CALCRL: variants seen among roughly 807,000 people sequenced by gnomAD.
CALCRL encodes the protein calcitonin receptor like receptor.
CALCRL carries 27 observed loss-of-function variants against 60.4 expected under a neutral mutation model. The observed-to-expected ratio is 0.45, with a 90% CI of 0.33 to 0.62. The LOEUF is 0.62. Among genes scored for constraint, CALCRL ranks in the 20% least tolerant of loss-of-function variants. The pLI is 0.03. For synonymous variants in CALCRL, 190 were observed against 182.6 expected (o/e 1.04, Z -0.33); for missense variants, 424 against 540.7 (o/e 0.78, Z 2.14).
chr2:187,404,086 C>T (rs1252307189), intron 1 of CALCRL, among the ~76,000 whole-genome samples: 2 of 151,772 alleles, frequency 1.3e-5, no homozygotes, highest in East Asian at 3.9e-4. Flanking sequence ...TTTAAAATAG[C>T]TTTCTTTCCT....
chr2:187,434,745 C>T (rs576266827), intron 1 of CALCRL, among the ~76,000 whole-genome samples: 2 of 152,234 alleles, frequency 1.3e-5, no homozygotes, highest in Admixed American at 6.5e-5. Context: ...GTGTTACATT[C>T]ATACAATGGA....
At chr2:187,444,053 A>G (rs557027136) in intron 1 of CALCRL, among the ~76,000 whole-genome samples, 1 of 151,782 alleles carries the variant, frequency 6.6e-6, no homozygotes, top group South Asian at 2.1e-4. Flanking sequence ...CACTGTAAGG[A>G]GATGGGCACT....
At chr2:187,411,008 C>G (rs879264397) in intron 1 of CALCRL, among the ~76,000 whole-genome samples, 3 of 152,010 alleles carry the variant, frequency 2.0e-5, no homozygotes, top group African/African-American at 7.3e-5. Context: ...ATTATTTTGT[C>G]TGGTGGGTGA....
At chr2:187,420,249 T>C (rs1689810341) in intron 1 of CALCRL, among the ~76,000 whole-genome samples, 2 of 152,176 alleles carry the variant, frequency 1.3e-5, no homozygotes, top group South Asian at 4.1e-4. Flanking sequence ...AAGTATTATT[T>C]TGATTAAAAT....
chr2:187,363,825 A>G (rs776482689), intron 8 of CALCRL, among the ~76,000 whole-genome samples: 9 of 152,196 alleles, frequency 5.9e-5, no homozygotes, highest in Non-Finnish European at 1.2e-4. Context: ...ATTGGGATTC[A>G]GTTAAGTTAG....
At chr2:187,371,807 T>C (rs143871234) in intron 8 of CALCRL, among the ~76,000 whole-genome samples, 1,947 of 152,076 alleles carry the variant, frequency 0.013, 43 homozygotes, top group African/African-American at 0.043. Flanking sequence ...AAACTGTACT[T>C]GCTCTAATTG....
intron 1 of CALCRL, among the ~76,000 whole-genome samples, chr2:187,401,854 G>T (rs928699269): frequency 6.6e-6 from 1 of 151,438 alleles, no homozygotes; most frequent in Non-Finnish European, 1.5e-5. Flanking sequence ...CTTGACCTAG[G>T]TTAGAAATTT....
intron 1 of CALCRL, among the ~76,000 whole-genome samples, chr2:187,419,084 AG>A (rs1484140553): frequency 7.3e-6 from 1 of 136,194 alleles, no homozygotes. Flanking sequence ...CATGTTGGCC[AG>A]GATGGTCTCA....
intron 1 of CALCRL, among the ~76,000 whole-genome samples, chr2:187,393,002 A>G (rs1006977512): frequency 1.3e-5 from 2 of 152,154 alleles, no homozygotes; most frequent in Admixed American, 6.6e-5. Context: ...TACTTTCCTG[A>G]AGACATGTTA....
chr2:187,372,415 C>T (rs1574240254), intron 8 of CALCRL, among the ~76,000 whole-genome samples: 1 of 151,650 alleles, frequency 6.6e-6, no homozygotes, highest in Non-Finnish European at 1.5e-5. Flanking sequence ...CCTAAAGTTA[C>T]GTCTCTTTCT....
chr2:187,398,741 C>T (rs539130729), intron 1 of CALCRL, among the ~76,000 whole-genome samples: 2 of 151,540 alleles, frequency 1.3e-5, no homozygotes, highest in African/African-American at 2.4e-5. Context: ...ATTAGGGAAG[C>T]TTTTTCTTTC....
At chr2:187,428,486 A>G (rs1472014970) in intron 1 of CALCRL, 1 of 152,232 alleles carries the variant, frequency 6.6e-6, no homozygotes. Flanking sequence ...TGTCTCTCAT[A>G]CACATGGGAG....
intron 8 of CALCRL, among the ~76,000 whole-genome samples, chr2:187,375,237 AGT>A (rs1687702042): frequency 7.0e-6 from 1 of 142,010 alleles, no homozygotes; most frequent in African/African-American, 2.6e-5. Flanking sequence ...GCGCCACTGC[AGT>A]CCGCAGTCCG....
chr2:187,388,288 G>C (rs1349653428), intron 1 of CALCRL, among the ~76,000 whole-genome samples: 1 of 151,964 alleles, frequency 6.6e-6, no homozygotes, highest in African/African-American at 2.4e-5. Context: ...AGAAAGAAGA[G>C]TTGTTTTGTT....
chr2:187,427,412 T>C (rs1690192149), intron 1 of CALCRL, among the ~76,000 whole-genome samples: 1 of 152,156 alleles, frequency 6.6e-6, no homozygotes, highest in Admixed American at 6.5e-5. Flanking sequence ...AGAACCATTA[T>C]GGTGGGCAAT....
Position 187,352,191 on chromosome 2 carries a change from G to T in CALCRL, c.1051C>A (p.Leu351Met). Residue 351 changes from leucine to methionine, a missense_variant, in exon 13 of 15, where the codon CTG becomes ATG. Around this residue, in one of 7 missense-constraint regions of CALCRL, gnomAD observed 222 missense variants for 265.6 expected, o/e 0.84. Coordinates refer to ENST00000392370, the MANE Select transcript of CALCRL (RefSeq NM_005795.6). Reference protein sequence around the residue: ...LVPLLGIEFVLIPWRPEGKIA... With the variant: ...LVPLLGIEFVMIPWRPEGKIA... ...TTTCCTTCAGGTCGCCATGGAATCA[G>T]CACAAATTCAATGCCAAGCAATGGC... 1 of 1,612,428 alleles carries T rather than the reference G, an allele frequency of 6.2e-7. No homozygotes were observed. The highest frequency in any genetic ancestry group is 1.7e-5 in the Admixed American group (1 of 59,812).
At chr2:187,416,705 T>C (rs1444355716) in intron 1 of CALCRL, among the ~76,000 whole-genome samples, 1 of 152,106 alleles carries the variant, frequency 6.6e-6, no homozygotes, top group Non-Finnish European at 1.5e-5. Context: ...TATTATACTC[T>C]GAACTAAATG....
chr2:187,397,030 A>G lies in CALCRL; in HGVS notation c.-292-9274T>C, dbSNP rs2105814760. On this transcript the variant is annotated intron_variant, in intron 1 of 14. Transcript: ENST00000392370. Reference sequence around the variant, plus strand: ...ACTAGCAAATTAAACAACTTCTTTAAGAATAGTTTTCTTTTCTGCAAAACA... The same window carrying G: ...ACTAGCAAATTAAACAACTTCTTTAGGAATAGTTTTCTTTTCTGCAAAACA... Among the ~76,000 whole-genome samples the G allele has an allele frequency of 3.3e-5, 5 of 151,880 alleles. No individual in the cohort carries two copies. In the South Asian group the frequency reaches 1.0e-3, roughly 31 times the overall value.
At position 187,352,307 on chromosome 2, in the gene CALCRL, A is replaced by T. The variant is rs775873779; in HGVS notation, c.935T>A (p.Ile312Asn). Residue 312 changes from isoleucine to asparagine, a missense_variant, in exon 13 of 15, where the codon ATT (isoleucine) becomes AAT (asparagine). By Grantham distance (149) the Ile-to-Asn change is moderately radical (BLOSUM62 -3). This residue lies in a region of CALCRL where 222 missense variants were observed against 265.6 expected (regional missense o/e 0.84). Transcript: ENST00000392370. ...TAACTTGGTGATGAGAACGCGTACA[A>T]TATTTAACAAGAAAAAAAGATTCAC... Reference protein sequence around the residue: ...LLVNLFFLLNIVRVLITKLKV... With the variant: ...LLVNLFFLLNNVRVLITKLKV... The T allele has an allele frequency of 6.2e-7, 1 of 1,609,350 alleles. No homozygotes were observed. Among genetic ancestry groups the T allele is most frequent in the Non-Finnish European group, 8.5e-7 (1 of 1,176,748 alleles).
Sources: allele counts gnomAD v4.1 joint callset (sites outside exome capture counted in the v4.1 genomes callset), GRCh38; gene constraint gnomAD v4.1.1; regional missense constraint gnomAD v4.1.1; transcripts MANE v1.5; gene names NCBI Gene and HGNC (gene_info 2026-07-23, HGNC 2026-07-21).